Variants in C17orf50 observed in about 807,000 individuals in gnomAD.
The protein encoded by C17orf50 is uncharacterized protein C17orf50.
A neutral mutation model predicts 17.7 loss-of-function variants in C17orf50; 16 were observed. The observed-to-expected ratio is 0.90, with a 90% CI of 0.61 to 1.37. The LOEUF (loss-of-function observed/expected upper bound fraction) is 1.37. C17orf50 is among the 40% of genes most tolerant of loss of function. The pLI, the probability that C17orf50 is intolerant of heterozygous loss-of-function variation, is 0.00. For missense variants in C17orf50, 271 were observed against 240.7 expected (o/e 1.13, Z -0.83); for synonymous variants, 125 against 111.0 (o/e 1.13, Z -0.80).
intron 1 of C17orf50, among the ~76,000 whole-genome samples, chr17:35,762,147 C>T (rs188801204): frequency 1.1e-3 from 175 of 152,198 alleles, no homozygotes; most frequent in Non-Finnish European, 2.0e-3. Flanking sequence ...TGCACTGCCA[C>T]GCCCAGCTAA....
Position 35,764,326 on chromosome 17 carries a change from G to A in C17orf50, c.332+1G>A, listed in dbSNP as rs1555602237. 3.4e-6 allele frequency: 5 copies of A among 1,470,884 alleles called. No homozygotes were observed. Among genetic ancestry groups the A allele is most frequent in the Middle Eastern group, 2.4e-4 (1 of 4,230 alleles). The allele number at this position is 1,470,884 out of a possible 1,614,324, so 91.1% of individuals were successfully genotyped here. On this transcript the variant is annotated splice_donor_variant, in intron 2 of 2. Transcript: ENST00000605587. LOFTEE classifies it high-confidence loss of function. ...GCGGCCTAACAGCTCCCACCGACAG[G>A]TGCCTGCGCGCTCCTCGACCGGGGC...
chr17:35,764,154 C>G lies in C17orf50; in HGVS notation c.161C>G (p.Pro54Arg), dbSNP rs1401559901. ...AGCGCGACGGAGGGCGAGGAGCCGC[C>G]GCGGGTAGCGGAGGAGGGCGAAGGC... is the stretch of plus-strand genomic sequence containing the variant. ...EDSATEGEEP[P>R]RVAEEGEGRE... Residue 54 changes from proline (P) to arginine (R), a missense_variant, in exon 2 of 3, where the codon CCG (proline) becomes CGG (arginine). Physicochemically the swap from Pro to Arg is moderately radical, Grantham distance 103. Coordinates refer to ENST00000605587, the MANE Select transcript of C17orf50 (RefSeq NM_145272.4). 6.5e-7 allele frequency: 1 copy of G among 1,548,980 alleles called. No homozygotes were observed. Among genetic ancestry groups the G allele is most frequent in the Admixed American group, 2.0e-5 (1 of 50,960 alleles).
At chr17:35,763,838 A>G in intron 1 of C17orf50, 169 bp from the exon 2 acceptor site, 1 of 449,406 alleles carries the variant, frequency 2.2e-6, no homozygotes, top group Non-Finnish European at 3.4e-6. Flanking sequence ...CGGAGGTTGC[A>G]GTGAGCAGAG....
Position 35,764,084 on chromosome 17 carries a change from G to A in C17orf50, c.91G>A (p.Gly31Arg). The A allele has an allele frequency of 1.3e-6, 2 of 1,550,282 alleles. No homozygotes were observed. The highest frequency in any genetic ancestry group is 8.7e-7 in the Non-Finnish European group (1 of 1,146,734). The change falls in exon 2 of 3, where the codon GGG (glycine) becomes AGG (arginine). Residue 31 changes from glycine (G) to arginine (R), a missense_variant. Coordinates refer to ENST00000605587, the MANE Select transcript of C17orf50 (RefSeq NM_145272.4). The part of the protein sequence containing the change: ...EDAEQEEGKE[G>R]SEDEDEDNQR... ...CGCGGAGCAAGAGGAAGGGAAGGAG[G>A]GGTCGGAGGACGAGGACGAGGACAA...
chr17:35,763,916 A>G, intron 1 of C17orf50, 91 bp from the exon 2 acceptor site: 1 of 920,152 alleles, frequency 1.1e-6, no homozygotes, highest in Non-Finnish European at 1.4e-6. Flanking sequence ...AAATAAATAA[A>G]TAAATAAATA....
rs781952915 is a variant in C17orf50, at chr17:35,764,449, C to A, written c.356C>A (p.Pro119Gln). The A allele has an allele frequency of 1.9e-6, 3 of 1,553,694 alleles. No homozygotes were observed. The highest frequency in any genetic ancestry group is 2.5e-5 in the East Asian group (1 of 40,484). Residue 119 changes from proline (P) to glutamine (Q), a missense_variant, in exon 3 of 3, where the codon CCG becomes CAG. Transcript: ENST00000605587. Reference sequence around the variant, plus strand: ...AGGAAGCGGAGCCTCCCGGAGGAGCCGTGCGTGCTGGAGATCCGGCGACGA... The same window carrying A: ...AGGAAGCGGAGCCTCCCGGAGGAGCAGTGCGTGCTGGAGATCCGGCGACGA... ...TDRKRSLPEE[P>Q]CVLEIRRRPP...
Position 35,764,534 on chromosome 17 carries a change from T to G in C17orf50, c.441T>G (p.Ser147Arg). 6.3e-7 allele frequency: 1 copy of G among 1,596,192 alleles called. No homozygotes were observed. The highest frequency in any genetic ancestry group is 2.3e-5 in the East Asian group (1 of 42,854). The stretch of plus-strand genomic sequence containing the variant: ...TCCTCTTCTGCAAGAAATGCAGGAG[T>G]CTGCACAGCCACCCAGCCTATGTGG... ...CELLFCKKCRSLHSHPAYVAH... is the reference protein window; with the variant it reads ...CELLFCKKCRRLHSHPAYVAH... The change falls in exon 3 of 3, where the codon AGT becomes AGG. Residue 147 changes from serine to arginine, a missense_variant. By Grantham distance (110) the Ser-to-Arg change is moderately radical (BLOSUM62 -1). Transcript: ENST00000605587.
intron 1 of C17orf50, 135 bp downstream of exon 1, chr17:35,761,089 G>T: frequency 1.1e-6 from 1 of 879,728 alleles, no homozygotes; most frequent in Non-Finnish European, 1.6e-6. Flanking sequence ...CTCTCCTTTC[G>T]CCTTCCTGAA....
chr17:35,764,189 C>T lies in C17orf50; in HGVS notation c.196C>T (p.Arg66Cys), dbSNP rs1555602166. The T allele has an allele frequency of 1.9e-6, 3 of 1,548,086 alleles. 1 individual carries two copies. Among genetic ancestry groups the T allele is most frequent in the South Asian group, 2.4e-5 (2 of 83,888 alleles). ...GGAGGAGGGCGAAGGCCGCGAGCGG[C>T]GCTCAGTGTCCTACTGCCCGCTGCG... is the stretch of plus-strand genomic sequence containing the variant. ...VAEEGEGRER[R>C]SVSYCPLRQE... is the part of the protein sequence containing the mutation. Residue 66 changes from arginine to cysteine, a missense_variant, in exon 2 of 3, where the codon CGC becomes TGC. Transcript: ENST00000605587.
intron 1 of C17orf50, among the ~76,000 whole-genome samples, chr17:35,763,701 A>AGCCCG (rs2085870951): frequency 6.6e-6 from 1 of 151,864 alleles, no homozygotes; most frequent in South Asian, 2.1e-4. Flanking sequence ...GTTTGAGACC[A>AGCCCG]GCCCGGCCAA....
rs782446082 is a variant in C17orf50, at chr17:35,764,406, C to T, written c.333-20C>T. 2 of 1,512,840 alleles carry T rather than the reference C, an allele frequency of 1.3e-6. No individual in the cohort carries two copies. Among genetic ancestry groups the T allele is most frequent in the Admixed American group, 2.2e-5 (1 of 46,338 alleles). The allele number at this position is 1,512,840 out of a possible 1,614,324, so 93.7% of individuals were successfully genotyped here. ...AGGAGGGGCTGCCCCAGGCACTGAG[C>T]GCCTGGTCCCCGCCGGCAGGAAGCG... On this transcript the variant is annotated intron_variant, in intron 2 of 2. Coordinates refer to ENST00000605587, the MANE Select transcript of C17orf50 (RefSeq NM_145272.4).
chr17:35,761,602 T>C (rs2085822627), intron 1 of C17orf50, among the ~76,000 whole-genome samples: 1 of 151,988 alleles, frequency 6.6e-6, no homozygotes, highest in East Asian at 1.9e-4. Context: ...AACATCTGCT[T>C]CATCATCTCC....
chr17:35,764,346 C>A, intron 2 of C17orf50, 21 bp downstream of exon 2: 1 of 1,460,788 alleles, frequency 6.8e-7, no homozygotes, highest in Non-Finnish European at 9.0e-7. Context: ...GCTCCTCGAC[C>A]GGGGCACGAG....
At position 35,764,456 on chromosome 17, in the gene C17orf50, G is replaced by C. The variant is rs373896097; in HGVS notation, c.363G>C (p.Val121=). The C allele has an allele frequency of 2.6e-5, 40 of 1,557,802 alleles. No individual in the cohort carries two copies. The highest frequency in any genetic ancestry group is 3.3e-5 in the Non-Finnish European group (38 of 1,154,154). ...GGAGCCTCCCGGAGGAGCCGTGCGT[G>C]CTGGAGATCCGGCGACGACCGCCGC... ...RKRSLPEEPC[V]LEIRRRPPRR... is the part of the protein sequence containing the mutation. Residue 121 remains valine (V), a synonymous_variant, in exon 3 of 3, where the codon GTG becomes GTC. Coordinates refer to ENST00000605587, the MANE Select transcript of C17orf50 (RefSeq NM_145272.4).
chr17:35,761,864 C>G (rs1555601593), intron 1 of C17orf50, among the ~76,000 whole-genome samples: 1 of 152,204 alleles, frequency 6.6e-6, no homozygotes, highest in Admixed American at 6.5e-5. Flanking sequence ...TCTCTGGAAC[C>G]CTTTTCTAGC....
chr17:35,764,356 G>A, intron 2 of C17orf50, 31 bp downstream of exon 2: 1 of 1,454,988 alleles, frequency 6.9e-7, no homozygotes, highest in Non-Finnish European at 9.0e-7. Flanking sequence ...CGGGGCACGA[G>A]GGAGGCGGTG....
At chr17:35,762,142 T>C (rs2143086027) in intron 1 of C17orf50, among the ~76,000 whole-genome samples, 1 of 152,196 alleles carries the variant, frequency 6.6e-6, no homozygotes, top group South Asian at 2.1e-4. Context: ...AGGCATGCAC[T>C]GCCACGCCCA....
chr17:35,764,789 G>A lies in C17orf50; in HGVS notation c.*171G>A. ...TCAAGAAGGCCCACTGTTGGTGCTT[G>A]GTTCCCATCTGTCACCTAGCGCCCC... On this transcript the variant is annotated 3_prime_UTR_variant, in exon 3 of 3. Coordinates refer to ENST00000605587, the MANE Select transcript of C17orf50 (RefSeq NM_145272.4). 1.4e-6 allele frequency: 1 copy of A among 701,000 alleles called. No individual in the cohort carries two copies. The highest frequency in any genetic ancestry group is 2.3e-5 in the South Asian group (1 of 43,084). The allele number at this position is 701,000 out of a possible 1,614,324, so 43.4% of individuals were successfully genotyped here.
rs587770923 is a variant in C17orf50, at chr17:35,764,145, A to C, written c.152A>C (p.Glu51Ala). 76 of 1,549,362 alleles carry C rather than the reference A, an allele frequency of 4.9e-5. No individual in the cohort carries two copies. The African/African-American group carries it at 8.7e-4, about 18-fold the overall frequency. ...RPLEDSATEG[E>A]EPPRVAEEGE... ...CTGGAGGACAGCGCGACGGAGGGCGAGGAGCCGCCGCGGGTAGCGGAGGAG... is the reference window on the plus strand; with the variant it reads ...CTGGAGGACAGCGCGACGGAGGGCGCGGAGCCGCCGCGGGTAGCGGAGGAG... Residue 51 changes from glutamate (E) to alanine (A), a missense_variant, in exon 2 of 3, where the codon GAG becomes GCG. Glu to Ala is a moderately radical substitution (Grantham distance 107). Transcript: ENST00000605587.
Sources: gnomAD v4.1 joint callset for allele counts (sites outside exome capture counted in the v4.1 genomes callset) on GRCh38, gnomAD v4.1.1 for gene constraint, MANE v1.5 for transcripts, NCBI Gene and HGNC (gene_info 2026-07-23, HGNC 2026-07-21) for gene names.